Variants in LRRC7 observed in about 807,000 individuals in gnomAD.
The protein encoded by LRRC7 is leucine-rich repeat-containing protein 7.
In LRRC7, 23 loss-of-function variants were observed where a neutral mutation model predicts 175.7. The observed-to-expected ratio is 0.13, with a 90% CI of 0.09 to 0.19. The LOEUF is 0.19. Ranked by LOEUF, LRRC7 falls within the 10% of genes least tolerant of loss-of-function variation. The pLI is 1.00. For missense variants in LRRC7, 1,354 were observed against 1,904.7 expected (o/e 0.71, Z 5.38); for synonymous variants, 685 against 680.9 (o/e 1.01, Z -0.09).
chr1:69,737,000 A>T (rs1040964138), intron 2 of LRRC7, among the ~76,000 whole-genome samples: 3 of 152,118 alleles, frequency 2.0e-5, no homozygotes, highest in Admixed American at 6.6e-5. Context: ...AGCTAGTTCC[A>T]AGCCTGCCAG....
chr1:69,591,404 G>A (rs1286912790), intron 1 of LRRC7, among the ~76,000 whole-genome samples: 2 of 152,048 alleles, frequency 1.3e-5, no homozygotes, highest in Non-Finnish European at 2.9e-5. Flanking sequence ...CTATTTGACA[G>A]AACAGTGGTT....
intron 4 of LRRC7, among the ~76,000 whole-genome samples, chr1:69,821,877 A>T (rs1679336004): frequency 6.6e-6 from 1 of 152,004 alleles, no homozygotes; most frequent in African/African-American, 2.4e-5. Flanking sequence ...CCTGGGCAAC[A>T]GAGCGAGACT....
intron 2 of LRRC7, among the ~76,000 whole-genome samples, chr1:69,683,671 A>G (rs936715656): frequency 2.1e-4 from 32 of 152,318 alleles, no homozygotes; most frequent in African/African-American, 7.5e-4. Context: ...AGAAAAATTA[A>G]AAAGATTAAA....
chr1:69,925,242 G>A (rs74839677), intron 7 of LRRC7, among the ~76,000 whole-genome samples: 2 of 152,160 alleles, frequency 1.3e-5, no homozygotes, highest in East Asian at 3.9e-4. Flanking sequence ...GTTCATCAAG[G>A]ATATTGGTCT....
At chr1:70,000,126 G>A (rs1333236448) in intron 11 of LRRC7, among the ~76,000 whole-genome samples, 1 of 152,150 alleles carries the variant, frequency 6.6e-6, no homozygotes, top group East Asian at 1.9e-4. Context: ...AACATTGCCA[G>A]AATATAACAA....
At chr1:69,790,969 C>T (rs777314360) in intron 3 of LRRC7, among the ~76,000 whole-genome samples, 5 of 151,922 alleles carry the variant, frequency 3.3e-5, no homozygotes, top group African/African-American at 7.2e-5. Context: ...TAAGACATAA[C>T]GACCATGTGC....
At chr1:69,829,554 A>G (rs904734768) in intron 5 of LRRC7, among the ~76,000 whole-genome samples, 10 of 151,838 alleles carry the variant, frequency 6.6e-5, no homozygotes, top group African/African-American at 2.4e-4. Context: ...CAAACACCAT[A>G]TCTCATTTGT....
chr1:70,036,414 CATT>C (rs771901402), intron 19 of LRRC7, 27 bp from the exon 20 acceptor site: 1 of 1,579,220 alleles, frequency 6.3e-7, no homozygotes. Context: ...AGTGTCATAG[CATT>C]ATAACATTTT....
intron 2 of LRRC7, among the ~76,000 whole-genome samples, chr1:69,749,976 G>A (rs181099556): frequency 9.2e-5 from 14 of 151,918 alleles, no homozygotes; most frequent in South Asian, 4.2e-4. Context: ...CAGGGGAATC[G>A]CTTGAACCCG....
chr1:70,119,351 C>T (rs1666066236), intron 26 of LRRC7, among the ~76,000 whole-genome samples: 1 of 152,064 alleles, frequency 6.6e-6, no homozygotes, highest in South Asian at 2.1e-4. Context: ...GTACTGAGGG[C>T]TCATTCTACA....
intron 1 of LRRC7, among the ~76,000 whole-genome samples, chr1:69,581,706 A>G (rs1347284971): frequency 1.3e-5 from 2 of 152,204 alleles, no homozygotes; most frequent in Admixed American, 6.5e-5. Context: ...TTAAGAAAAA[A>G]GTTTTTAAAT....
intron 3 of LRRC7, among the ~76,000 whole-genome samples, chr1:69,780,611 ACT>A (rs1224748450): frequency 6.6e-6 from 1 of 152,076 alleles, no homozygotes; most frequent in East Asian, 1.9e-4. Flanking sequence ...AACCATTTTT[ACT>A]CTCTTATTAC....
At chr1:69,879,239 C>G (rs1405354368) in intron 7 of LRRC7, among the ~76,000 whole-genome samples, 1 of 61,308 alleles carries the variant, frequency 1.6e-5, no homozygotes, top group Non-Finnish European at 3.5e-5. Flanking sequence ...AAAAAAAAGA[C>G]TGCGCACTGG....
intron 1 of LRRC7, among the ~76,000 whole-genome samples, chr1:69,635,950 A>G (rs1159140328): frequency 6.6e-6 from 1 of 152,062 alleles, no homozygotes; most frequent in East Asian, 1.9e-4. Context: ...AATCATGCAG[A>G]TATTAGTAAA....
In LRRC7 at chr1:70,028,168, T is replaced by C; in HGVS notation, c.1795-3T>C. ...TGTTAAATTTCTTTTTGTAAACTTC[T>C]AGGTTGAAATAAACCTAAAACGATA... On this transcript the variant is annotated splice_region_variant and splice_polypyrimidine_tract_variant and intron_variant, in intron 17 of 26. Transcript: ENST00000651989. 6.2e-7 allele frequency: 1 copy of C among 1,609,622 alleles called. No individual in the cohort carries two copies. The highest frequency in any genetic ancestry group is 8.5e-7 in the Non-Finnish European group (1 of 1,177,022).
chr1:69,824,656 G>T (rs926409756), intron 4 of LRRC7, among the ~76,000 whole-genome samples: 1 of 152,116 alleles, frequency 6.6e-6, no homozygotes, highest in Non-Finnish European at 1.5e-5. Flanking sequence ...GGGCTTTGAA[G>T]TCCTGTGGAC....
intron 2 of LRRC7, among the ~76,000 whole-genome samples, chr1:69,712,590 G>A (rs1034550087): frequency 1.3e-5 from 2 of 152,152 alleles, no homozygotes; most frequent in African/African-American, 4.8e-5. Context: ...GGGCGACAGA[G>A]CGAGACTCCA....
At chr1:69,713,139 AAAT>A (rs1204629820) in intron 2 of LRRC7, among the ~76,000 whole-genome samples, 10 of 152,284 alleles carry the variant, frequency 6.6e-5, no homozygotes, top group Admixed American at 2.0e-4. Context: ...TTGTAATAAA[AAAT>A]AATAATAACA....
chr1:69,806,833 T>TCAGCTTTG (rs1475492267), intron 4 of LRRC7, among the ~76,000 whole-genome samples: 2 of 152,006 alleles, frequency 1.3e-5, no homozygotes, highest in Non-Finnish European at 2.9e-5. Flanking sequence ...ATTCCTGGTG[T>TCAGCTTTG]CAGCTTTGTC....
Sources: gnomAD v4.1 joint callset for allele counts (sites outside exome capture counted in the v4.1 genomes callset) on GRCh38, gnomAD v4.1.1 for gene constraint, MANE v1.5 for transcripts, NCBI Gene and HGNC (gene_info 2026-07-23, HGNC 2026-07-21) for gene names.